The following TRIP4 variants were observed in gnomAD, a reference collection of about 807,000 sequenced individuals.
The protein encoded by TRIP4 is thyroid hormone receptor interactor 4.
In TRIP4, 54 loss-of-function variants were observed where a neutral mutation model predicts 81.8. The ratio of observed to expected loss-of-function variants is 0.66; its 90% CI spans 0.53 to 0.83. The LOEUF is 0.83. Among genes scored for constraint, TRIP4 ranks in the 40% least tolerant of loss-of-function variants. The probability of loss-of-function intolerance (pLI) is 0.00; values close to 1 mark genes in which losing one functional copy is unlikely to be tolerated. For synonymous variants in TRIP4, 270 were observed against 242.8 expected (o/e 1.11, Z -1.04); for missense variants, 662 against 683.6 (o/e 0.97, Z 0.35).
rs981613121 is a variant in TRIP4, at chr15:64,407,677, T to A, written c.827+1218T>A. On this transcript the variant is annotated intron_variant, in intron 6 of 12. Transcript: ENST00000261884. ...GTGAGACTCTGTCTCAAAAAAAAAA[T>A]AATAATAATAGAAATAGAATGCACT... 1.7e-3 allele frequency among the ~76,000 whole-genome samples: 242 copies of A among 144,596 alleles called. 2 individuals are homozygous for A. Among genetic ancestry groups the A allele is most frequent in the Middle Eastern group, 3.5e-3 (1 of 282 alleles). The allele number at this position is 144,596 out of a possible 152,430, so 94.9% of individuals were successfully genotyped here. A position where few individuals can be genotyped will look rare whatever the true frequency, so the allele number is the denominator to read the frequency against.
At chr15:64,395,950 C>A (rs955150506) in intron 3 of TRIP4, among the ~76,000 whole-genome samples, 1 of 151,458 alleles carries the variant, frequency 6.6e-6, no homozygotes, top group African/African-American at 2.4e-5. Context: ...GCTCTGTCGC[C>A]CAGGCTGGAA....
At chr15:64,389,993 C>A (rs549287154) in intron 1 of TRIP4, among the ~76,000 whole-genome samples, 2 of 148,664 alleles carry the variant, frequency 1.3e-5, no homozygotes, top group Non-Finnish European at 3.0e-5. Flanking sequence ...TGAGCCACCA[C>A]GCCTGGCCCA....
intron 11 of TRIP4, among the ~76,000 whole-genome samples, chr15:64,438,350 G>C (rs565947770): frequency 1.3e-5 from 2 of 151,988 alleles, no homozygotes; most frequent in Non-Finnish European, 2.9e-5. Context: ...TTTGAGTTTC[G>C]CTCTTGTTGC....
chr15:64,440,998 T>A (rs1043581498), intron 11 of TRIP4, among the ~76,000 whole-genome samples: 9 of 152,112 alleles, frequency 5.9e-5, no homozygotes, highest in East Asian at 1.9e-4. Flanking sequence ...TCATTTTTTT[T>A]TTTTTTATTT....
intron 2 of TRIP4, among the ~76,000 whole-genome samples, chr15:64,395,193 T>G (rs1900252145): frequency 6.6e-6 from 1 of 152,218 alleles, no homozygotes; most frequent in Non-Finnish European, 1.5e-5. Context: ...GCCACTTGTT[T>G]GACTTCTTTT....
At chr15:64,428,774 A>AT (rs951315504) in intron 11 of TRIP4, among the ~76,000 whole-genome samples, 28 of 149,334 alleles carry the variant, frequency 1.9e-4, no homozygotes, top group South Asian at 1.1e-3. Context: ...ACACCTGGCC[A>AT]TTTTTTTTTG....
At chr15:64,388,282 T>G (rs577739577) in intron 1 of TRIP4, among the ~76,000 whole-genome samples, 1 of 152,284 alleles carries the variant, frequency 6.6e-6, no homozygotes, top group South Asian at 2.1e-4. Context: ...TTCCTAACTT[T>G]GAACCCCTTA....
Position 64,430,671 on chromosome 15 carries a change from A to T in TRIP4, c.1575+5040A>T, listed in dbSNP as rs540921850. Among the ~76,000 whole-genome samples, 219 of 152,324 alleles carry T rather than the reference A, an allele frequency of 1.4e-3. 6 individuals are homozygous for T. The South Asian group carries it at 0.043, about 30-fold the overall frequency. Reference sequence around the variant, plus strand: ...TGCTATTTATATCCCTGCCTTCAATAGAAAATCTGATTTGTCTGAAATCTC... The same window carrying T: ...TGCTATTTATATCCCTGCCTTCAATTGAAAATCTGATTTGTCTGAAATCTC... On this transcript the variant is annotated intron_variant, in intron 11 of 12. Transcript: ENST00000261884.
chr15:64,417,732 T>C (rs1170139410), intron 8 of TRIP4, among the ~76,000 whole-genome samples: 1 of 152,194 alleles, frequency 6.6e-6, no homozygotes, highest in Non-Finnish European at 1.5e-5. Flanking sequence ...GAATATTTCA[T>C]GCATCCAGTA....
intron 11 of TRIP4, among the ~76,000 whole-genome samples, chr15:64,441,828 C>G (rs369828811): frequency 1.1e-4 from 16 of 152,100 alleles, no homozygotes; most frequent in Admixed American, 5.9e-4. Flanking sequence ...TTAAGAGTGC[C>G]AAGTTTGTGG....
chr15:64,397,634 A>G lies in TRIP4; in HGVS notation c.434A>G (p.Lys145Arg). ...KAQENSNSVK[K>R]KTKFVNLYTR... ...CAAGAGAACAGCAACTCCGTAAAGA[A>G]GAAGACAAAGTTTGTCAATTTATAC... The change falls in exon 4 of 13, where the codon AAG becomes AGG. Residue 145 changes from lysine to arginine, a missense_variant. Physicochemically the swap from Lys to Arg is conservative, Grantham distance 26. Transcript: ENST00000261884. The G allele has an allele frequency of 6.2e-7, 1 of 1,613,326 alleles. No homozygotes were observed. The highest frequency in any genetic ancestry group is 8.5e-7 in the Non-Finnish European group (1 of 1,179,228).
intron 5 of TRIP4, among the ~76,000 whole-genome samples, chr15:64,405,062 T>C (rs1296664363): frequency 1.3e-5 from 2 of 152,180 alleles, no homozygotes; most frequent in African/African-American, 2.4e-5. Flanking sequence ...TACAATATGC[T>C]GTCAAAGAAG....
Position 64,395,516 on chromosome 15 carries a change from T to C in TRIP4, c.390T>C (p.Pro130=). ...ACACGACTGCAGAGGTTAAAACACC[T>C]TTTGATTTGGCCAAGGTGAGTGCTT... The part of the protein sequence containing the change: ...EPDTTAEVKT[P]FDLAKAQENS... Residue 130 remains proline (P), a synonymous_variant, in exon 3 of 13, where the codon CCT becomes CCC. Coordinates refer to ENST00000261884, the MANE Select transcript of TRIP4 (RefSeq NM_016213.5). 1.2e-6 allele frequency: 2 copies of C among 1,610,490 alleles called. No individual in the cohort carries two copies. The highest frequency in any genetic ancestry group is 1.7e-6 in the Non-Finnish European group (2 of 1,178,036).
chr15:64,418,021 C>T (rs2140297089), intron 8 of TRIP4, among the ~76,000 whole-genome samples: 1 of 152,264 alleles, frequency 6.6e-6, no homozygotes, highest in East Asian at 1.9e-4. Flanking sequence ...TAAGATGGGC[C>T]TTGTTATCAT....
At chr15:64,453,592 A>G (rs1596368756) in intron 12 of TRIP4, among the ~76,000 whole-genome samples, 1 of 152,366 alleles carries the variant, frequency 6.6e-6, no homozygotes, top group East Asian at 1.9e-4. Flanking sequence ...GGAATGCCCT[A>G]TGCTCTAAAG....
rs192336983 is a variant in TRIP4 at position 64,424,023 on chromosome 15, T to G, written c.1359-8T>G. ...ATATCCTTCCCACTAAATTTCTATTTGTTTAAGGGTGGAGGGCAGATCCTG... is the reference window on the plus strand; with the variant it reads ...ATATCCTTCCCACTAAATTTCTATTGGTTTAAGGGTGGAGGGCAGATCCTG... On this transcript the variant is annotated splice_polypyrimidine_tract_variant and splice_region_variant and intron_variant, in intron 9 of 12. Transcript: ENST00000261884. 2.5e-5 allele frequency: 41 copies of G among 1,612,976 alleles called. No homozygotes were observed. In the East Asian group the frequency reaches 8.9e-4, roughly 35 times the overall value.
intron 4 of TRIP4, among the ~76,000 whole-genome samples, chr15:64,399,177 C>T (rs1891424036): frequency 6.6e-6 from 1 of 151,836 alleles, no homozygotes; most frequent in Non-Finnish European, 1.5e-5. Context: ...TCTCAGAACT[C>T]CTGACCTCAG....
At chr15:64,451,953 C>CA (rs35984161) in intron 12 of TRIP4, among the ~76,000 whole-genome samples, 3 of 137,512 alleles carry the variant, frequency 2.2e-5, no homozygotes, top group African/African-American at 8.1e-5. Flanking sequence ...GTGCCCGGCC[C>CA]AAAAAAAAAA....
intron 3 of TRIP4, 106 bp downstream of exon 3, chr15:64,395,637 C>A: frequency 8.0e-7 from 1 of 1,243,764 alleles, no homozygotes; most frequent in Non-Finnish European, 1.1e-6. Flanking sequence ...GGCAATTTTT[C>A]AACAAATGCA....
Sources: gnomAD v4.1 joint callset for allele counts (sites outside exome capture counted in the v4.1 genomes callset) on GRCh38, gnomAD v4.1.1 for gene constraint, MANE v1.5 for transcripts, NCBI Gene and HGNC (gene_info 2026-07-23, HGNC 2026-07-21) for gene names.